Variants in PIGX observed in about 807,000 individuals in gnomAD.
The protein encoded by PIGX is GPI alpha-1,4-mannosyltransferase I, stabilizing subunit.
A neutral mutation model predicts 28.7 loss-of-function variants in PIGX; 24 were observed. The observed-to-expected ratio is 0.84, with a 90% CI of 0.60 to 1.17. The LOEUF (loss-of-function observed/expected upper bound fraction) is 1.17. PIGX is among the 50% of genes most tolerant of loss of function. The probability of loss-of-function intolerance (pLI) is 0.00; values close to 1 mark genes in which losing one functional copy is unlikely to be tolerated. For missense variants in PIGX, 305 were observed against 317.8 expected (o/e 0.96, Z 0.31); for synonymous variants, 127 against 121.0 (o/e 1.05, Z -0.33).
At chr3:196,728,225 C>A in intron 4 of PIGX, 89 bp downstream of exon 4, 1 of 1,006,578 alleles carries the variant, frequency 9.9e-7, no homozygotes, top group South Asian at 1.4e-5. Flanking sequence ...GCTGGCAAGG[C>A]CCTATGTCTT....
intron 1 of PIGX, among the ~76,000 whole-genome samples, chr3:196,714,399 G>A (rs999714387): frequency 2.6e-5 from 4 of 152,140 alleles, no homozygotes; most frequent in African/African-American, 4.8e-5. Context: ...AGAAGTTCAA[G>A]GCTGCAGTGA....
chr3:196,723,027 T>C (rs138353958), intron 3 of PIGX, among the ~76,000 whole-genome samples: 9 of 152,232 alleles, frequency 5.9e-5, no homozygotes, highest in Admixed American at 5.9e-4. Context: ...ACCCTGGAGG[T>C]GGAATCTCCA....
intron 1 of PIGX, among the ~76,000 whole-genome samples, chr3:196,713,582 C>G (rs1577666180): frequency 6.6e-6 from 1 of 152,132 alleles, no homozygotes; most frequent in East Asian, 1.9e-4. Context: ...GCCAGGATTA[C>G]AGGTGTGAAC....
intron 3 of PIGX, among the ~76,000 whole-genome samples, chr3:196,722,798 G>C (rs987936417): frequency 6.6e-6 from 1 of 152,042 alleles, no homozygotes; most frequent in Admixed American, 6.6e-5. Context: ...AAATTATCTG[G>C]GTGTATGTGT....
chr3:196,728,249 G>T (rs1252847851), intron 4 of PIGX, 113 bp downstream of exon 4: 10 of 708,384 alleles, frequency 1.4e-5, no homozygotes, highest in African/African-American at 1.1e-4. Context: ...CTAGGTGGTA[G>T]TTACAAGGGT....
At chr3:196,732,219 TATA>T (rs1560080454) in intron 5 of PIGX, among the ~76,000 whole-genome samples, 2 of 15,740 alleles carry the variant, frequency 1.3e-4, no homozygotes, top group East Asian at 1.8e-3. Flanking sequence ...ATATTATTTA[TATA>T]TATATATATA....
rs925882403 is a variant in PIGX, at chr3:196,733,672, C to T, written c.634-87C>T. 12 of 991,282 alleles carry T rather than the reference C, an allele frequency of 1.2e-5. No homozygotes were observed. Among genetic ancestry groups the T allele is most frequent in the Admixed American group, 1.9e-5 (1 of 53,882 alleles). 61.4% of individuals were successfully genotyped at this position (991,282 alleles called of 1,614,324 possible). On this transcript the variant is annotated intron_variant, in intron 5 of 5. Coordinates refer to ENST00000392391, the MANE Select transcript of PIGX (RefSeq NM_017861.4). The surrounding 1 kb of genome is among the most constrained non-coding windows in gnomAD (Gnocchi z 4.3). ...AAGCGATCTGCCCGCCTTGGCCTCC[C>T]GAAGTGCTGGGATTACAGGCATGAG...
rs1216435994 is a variant in PIGX, at chr3:196,732,271, AT to A, written c.633+1190del. 6.0e-3 allele frequency among the ~76,000 whole-genome samples: 148 copies of A among 24,512 alleles called. 8 individuals are homozygous for A. Among genetic ancestry groups the A allele is most frequent in the African/African-American group, 0.021 (109 of 5,108 alleles). 16.1% of individuals were successfully genotyped at this position (24,512 alleles called of 152,430 possible). A position where few individuals can be genotyped will look rare whatever the true frequency, so the allele number is the denominator to read the frequency against. On this transcript the variant is annotated intron_variant, in intron 5 of 5. Coordinates refer to ENST00000392391, the MANE Select transcript of PIGX (RefSeq NM_017861.4). ...ATATATATATATTTTATTTTATTTTATTTTTTTTTTTATTTTATTTTTTTTT... is the reference window on the plus strand; with the variant it reads ...ATATATATATATTTTATTTTATTTTATTTTTTTTTTATTTTATTTTTTTTT...
intron 3 of PIGX, among the ~76,000 whole-genome samples, chr3:196,727,539 A>C (rs1560078467): frequency 6.6e-6 from 1 of 152,208 alleles, no homozygotes; most frequent in Non-Finnish European, 1.5e-5. Context: ...ATTTTAACTC[A>C]ATACAGGTTT....
At position 196,733,743 on chromosome 3, in the gene PIGX, C is replaced by T. The variant is rs1007612695; in HGVS notation, c.634-16C>T. 2.5e-6 allele frequency: 4 copies of T among 1,576,216 alleles called. No individual in the cohort carries two copies. Among genetic ancestry groups the T allele is most frequent in the Non-Finnish European group, 3.5e-6 (4 of 1,147,118 alleles). ...CATGCATTTTCAATGTCTAACTTCT[C>T]TCTCTCTCTCCATAGGTATATAAGA... On this transcript the variant is annotated splice_polypyrimidine_tract_variant and intron_variant, in intron 5 of 5. Coordinates refer to ENST00000392391, the MANE Select transcript of PIGX (RefSeq NM_017861.4). This position sits in a 1 kb window ranked among gnomAD's most constrained non-coding sequence, Gnocchi z 4.3.
intron 3 of PIGX, chr3:196,726,530 T>G: frequency 2.9e-6 from 1 of 340,756 alleles, no homozygotes; most frequent in Non-Finnish European, 5.9e-6. Flanking sequence ...CTAATGCAAG[T>G]TTTGCCTAAA....
chr3:196,726,988 A>G (rs1198499674), intron 3 of PIGX, among the ~76,000 whole-genome samples: 2 of 152,322 alleles, frequency 1.3e-5, no homozygotes, highest in East Asian at 3.9e-4. Flanking sequence ...GACTTTTGCC[A>G]ATGAGTTCTG....
At position 196,735,380 on chromosome 3, in the gene PIGX, G is replaced by A. The variant is rs1359620073; in HGVS notation, c.*1478G>A. 1 of 150,794 alleles carries A rather than the reference G, an allele frequency of 6.6e-6. No homozygotes were observed. The highest frequency in any genetic ancestry group is 2.4e-5 in the African/African-American group (1 of 41,036). The allele number at this position is 150,794 out of a possible 1,614,324, so 9.3% of individuals were successfully genotyped here. On this transcript the variant is annotated 3_prime_UTR_variant, in exon 6 of 6. Transcript: ENST00000392391. ...AAAACAGAAGACATCAAACCAGGGT[G>A]TGTTGGCATTATTTATTTTATGTAG...
chr3:196,724,220 G>A lies in PIGX; in HGVS notation c.318+1664G>A, dbSNP rs1712436661. Among the ~76,000 whole-genome samples, 4 of 151,796 alleles carry A rather than the reference G, an allele frequency of 2.6e-5. No individual in the cohort carries two copies. The South Asian group carries it at 8.3e-4, about 31-fold the overall frequency. On this transcript the variant is annotated intron_variant, in intron 3 of 5. Coordinates refer to ENST00000392391, the MANE Select transcript of PIGX (RefSeq NM_017861.4). ...AGTAGAGGTGGGGTTTCACAATGTTGGCCTGGCTGATCTCGAACTCCTGAC... is the reference window on the plus strand; with the variant it reads ...AGTAGAGGTGGGGTTTCACAATGTTAGCCTGGCTGATCTCGAACTCCTGAC...
At chr3:196,719,715 G>A (rs938537753) in intron 2 of PIGX, among the ~76,000 whole-genome samples, 2 of 151,462 alleles carry the variant, frequency 1.3e-5, no homozygotes, top group Non-Finnish European at 2.9e-5. Flanking sequence ...TATTGTTACT[G>A]GTTTTTCTTT....
intron 1 of PIGX, chr3:196,713,130 G>T: frequency 1.0e-6 from 1 of 978,830 alleles, no homozygotes; most frequent in Non-Finnish European, 1.2e-6. Flanking sequence ...AAAGGGTAAG[G>T]TTTGATGGGA....
At chr3:196,722,243 A>G (rs556266381) in intron 2 of PIGX, among the ~76,000 whole-genome samples, 172 bp from the exon 3 acceptor site, 43 of 152,228 alleles carry the variant, frequency 2.8e-4, no homozygotes, top group Non-Finnish European at 5.7e-4. Context: ...ATGAATTATG[A>G]AAGATCTAAT....
At chr3:196,731,147 T>A in intron 5 of PIGX, 55 bp downstream of exon 5, 1 of 978,860 alleles carries the variant, frequency 1.0e-6, no homozygotes, top group Non-Finnish European at 1.6e-6. Flanking sequence ...TAAAGCTCTT[T>A]CTGTAATGTT....
chr3:196,714,445 C>G (rs1318865976), intron 1 of PIGX, among the ~76,000 whole-genome samples: 1 of 148,864 alleles, frequency 6.7e-6, no homozygotes, highest in Non-Finnish European at 1.5e-5. Flanking sequence ...GCTTGTGTGA[C>G]AGAGTAAGGC....
Sources: gnomAD v4.1 joint callset for allele counts (sites outside exome capture counted in the v4.1 genomes callset) on GRCh38, gnomAD v4.1.1 for gene constraint, Gnocchi (gnomAD v3.1) non-coding constraint, MANE v1.5 for transcripts, NCBI Gene and HGNC (gene_info 2026-07-23, HGNC 2026-07-21) for gene names.